Variants in KAT6B observed in about 807,000 individuals in gnomAD.
KAT6B encodes lysine acetyltransferase 6B.
Under a neutral mutation model 187.5 loss-of-function variants are expected in KAT6B, and 10 were observed. That is an observed-to-expected ratio of 0.05 (90% CI 0.03 to 0.09). KAT6B has a LOEUF of 0.09. KAT6B is among the 10% of genes least tolerant of loss of function. The pLI is 1.00. For synonymous variants in KAT6B, 861 were observed against 926.8 expected, an observed-to-expected ratio of 0.93 and a Z score of 1.29; for missense variants, 1,952 against 2,558.9, an observed-to-expected ratio of 0.76 and a Z score of 5.12.
chr10:74,835,763 GTAT>G (rs375868472), intron 1 of KAT6B, among the ~76,000 whole-genome samples: 5 of 151,572 alleles, frequency 3.3e-5, no homozygotes, highest in African/African-American at 9.7e-5. Context: ...GAAATGGTTG[GTAT>G]TATTATTATT....
At chr10:74,958,811 G>A (rs536323584) in intron 3 of KAT6B, among the ~76,000 whole-genome samples, 8 of 151,820 alleles carry the variant, frequency 5.3e-5, no homozygotes, top group African/African-American at 1.4e-4. Flanking sequence ...AGGCTGAGGC[G>A]GGCGGATCAT....
rs571236997 is a variant in KAT6B, at chr10:74,927,365, C to A, written c.622-32605C>A. On this transcript the variant is annotated intron_variant, in intron 3 of 17. Coordinates refer to ENST00000287239, the MANE Select transcript of KAT6B (RefSeq NM_012330.4). ...GGTATAAAGAACCTCTCGGGAGAGC[C>A]TGAATGATCAGGAGATCTGAACTGG... Among the ~76,000 whole-genome samples the A allele has an allele frequency of 1.3e-4, 19 of 151,894 alleles. No individual in the cohort carries two copies. In the South Asian group the frequency reaches 2.5e-3, roughly 20 times the overall value.
At chr10:75,021,098 C>A (rs1484889088) in intron 14 of KAT6B, 28 bp from the exon 15 acceptor site, 12 of 1,608,036 alleles carry the variant, frequency 7.5e-6, no homozygotes, top group Non-Finnish European at 9.4e-6. Context: ...CTTGTGATTA[C>A]ATCTTGTTCT....
chr10:74,834,202 GTT>G (rs779791101), intron 1 of KAT6B, among the ~76,000 whole-genome samples: 4 of 140,962 alleles, frequency 2.8e-5, no homozygotes, highest in Non-Finnish European at 3.1e-5. Flanking sequence ...CTTTATTTCT[GTT>G]TTTTTTTTTT....
chr10:74,919,083 C>T (rs1296587674), intron 3 of KAT6B, among the ~76,000 whole-genome samples: 1 of 150,746 alleles, frequency 6.6e-6, no homozygotes, highest in Non-Finnish European at 1.5e-5. Flanking sequence ...ATGGGCCAGG[C>T]GTGGTGGCAG....
chr10:74,998,240 C>T (rs892925619), intron 13 of KAT6B, among the ~76,000 whole-genome samples: 7 of 152,088 alleles, frequency 4.6e-5, no homozygotes, highest in Admixed American at 6.5e-5. Flanking sequence ...TGTGAGCCAC[C>T]GTGCCCAGCC....
chr10:75,030,594 T>C lies in KAT6B; in HGVS notation c.5770T>C (p.Ser1924Pro). 2 of 1,611,506 alleles carry C rather than the reference T, an allele frequency of 1.2e-6. No individual in the cohort carries two copies. The highest frequency in any genetic ancestry group is 1.7e-6 in the Non-Finnish European group (2 of 1,177,836). ...CCAGATTGCCAGCAAGGGCCACATC[T>C]CCATGAGAACCAAGTCAGCGTCTCT... ...QTQIASKGHISMRTKSASLSP... is the reference protein window; with the variant it reads ...QTQIASKGHIPMRTKSASLSP... Residue 1924 changes from serine (S) to proline (P), a missense_variant, in exon 18 of 18, where the codon TCC becomes CCC. Ser to Pro is a moderately conservative substitution (Grantham distance 74, BLOSUM62 -1). Coordinates refer to ENST00000287239, the MANE Select transcript of KAT6B (RefSeq NM_012330.4). The surrounding 1 kb of genome is among the most constrained non-coding windows in gnomAD (Gnocchi z 4.8).
chr10:74,976,092 CCA>C lies in KAT6B; in HGVS notation c.1757_1758del (p.His586LeufsTer8). ...ELSSTAKSKA[H>X]FFGKRDIRSR... ...TATCTTCCACGGCAAAATCTAAAGC[CCA>C]CTTCTTTGGCAAAAGAGATATTAGA... On this transcript the variant is annotated frameshift_variant, in exon 8 of 18. Coordinates refer to ENST00000287239, the MANE Select transcript of KAT6B (RefSeq NM_012330.4). LOFTEE classifies it high-confidence loss of function. The C allele has an allele frequency of 6.2e-7, 1 of 1,614,188 alleles. No homozygotes were observed. Among genetic ancestry groups the C allele is most frequent in the Non-Finnish European group, 8.5e-7 (1 of 1,180,042 alleles).
At chr10:74,922,957 C>G (rs1438085228) in intron 3 of KAT6B, among the ~76,000 whole-genome samples, 1 of 152,098 alleles carries the variant, frequency 6.6e-6, no homozygotes, top group Non-Finnish European at 1.5e-5. Flanking sequence ...CTGGGAATGC[C>G]TGAGGATTGA....
At chr10:75,028,233 A>C (rs1564630159) in intron 17 of KAT6B, among the ~76,000 whole-genome samples, 1 of 152,188 alleles carries the variant, frequency 6.6e-6, no homozygotes, top group African/African-American at 2.4e-5. Context: ...TTGTTCATTA[A>C]ATTCAAATAA....
At chr10:74,956,026 C>G (rs1840667919) in intron 3 of KAT6B, among the ~76,000 whole-genome samples, 2 of 152,134 alleles carry the variant, frequency 1.3e-5, no homozygotes, top group Non-Finnish European at 2.9e-5. Flanking sequence ...TCAGCTCAAG[C>G]CGTCCTCCCA....
At chr10:74,927,799 C>T (rs1486661811) in intron 3 of KAT6B, among the ~76,000 whole-genome samples, 2 of 152,110 alleles carry the variant, frequency 1.3e-5, no homozygotes, top group Admixed American at 6.5e-5. Flanking sequence ...AACCCTATCT[C>T]CTCCAGCCTA....
chr10:75,002,020 A>G (rs941457520), intron 13 of KAT6B, among the ~76,000 whole-genome samples: 1 of 152,126 alleles, frequency 6.6e-6, no homozygotes, highest in Non-Finnish European at 1.5e-5. Context: ...CCGTCTCTGC[A>G]CCGTGTGGTC....
chr10:74,830,467 G>A (rs948073289), intron 1 of KAT6B, among the ~76,000 whole-genome samples: 7 of 151,780 alleles, frequency 4.6e-5, no homozygotes, highest in African/African-American at 1.7e-4. Context: ...TTTTCCCAGC[G>A]TAACTGTAAC....
intron 3 of KAT6B, among the ~76,000 whole-genome samples, chr10:74,947,865 C>G (rs1015873284): frequency 2.6e-5 from 4 of 152,180 alleles, no homozygotes; most frequent in Non-Finnish European, 5.9e-5. Context: ...TTGTGCAGTT[C>G]CAACACACCT....
chr10:74,918,175 T>A (rs892261534), intron 3 of KAT6B, among the ~76,000 whole-genome samples: 50 of 152,236 alleles, frequency 3.3e-4, no homozygotes, highest in Admixed American at 3.2e-3. Flanking sequence ...AGCATTTAAA[T>A]TCTGTTAATA....
At chr10:74,892,036 T>C (rs1046838256) in intron 3 of KAT6B, among the ~76,000 whole-genome samples, 5 of 152,222 alleles carry the variant, frequency 3.3e-5, no homozygotes, top group African/African-American at 1.2e-4. Flanking sequence ...GCCTGTTGAC[T>C]GCTTCCACCT....
intron 3 of KAT6B, among the ~76,000 whole-genome samples, chr10:74,953,984 C>T (rs1840496378): frequency 6.6e-6 from 1 of 152,148 alleles, no homozygotes; most frequent in African/African-American, 2.4e-5. Flanking sequence ...CTTGAAGACT[C>T]TTAAAATTTC....
In KAT6B at chr10:74,843,218, C is replaced by T. The variant is rs199812020; in HGVS notation, c.361C>T (p.Pro121Ser). 1.9e-5 allele frequency: 30 copies of T among 1,614,052 alleles called. No individual in the cohort carries two copies. The South Asian group carries it at 2.7e-4, about 15-fold the overall frequency. Residue 121 changes from proline (P) to serine (S), a missense_variant, in exon 3 of 18, where the codon CCG becomes TCG. Pro to Ser is a moderately conservative substitution (Grantham distance 74). This residue lies in a region of KAT6B where 218 missense variants were observed against 282.6 expected (regional missense o/e 0.77). Coordinates refer to ENST00000287239, the MANE Select transcript of KAT6B (RefSeq NM_012330.4). ...LRRAIEGLEE[P>S]NGSSLKNIEK... ...GAGAGCAATTGAAGGACTTGAGGAG[C>T]CGAATGGCTCCTCCCTGAAGAACAT...
Sources: gnomAD v4.1 joint callset for allele counts (sites outside exome capture counted in the v4.1 genomes callset) on GRCh38, gnomAD v4.1.1 for gene constraint, gnomAD v4.1.1 regional missense constraint, Gnocchi (gnomAD v3.1) non-coding constraint, MANE v1.5 for transcripts, NCBI Gene and HGNC (gene_info 2026-07-23, HGNC 2026-07-21) for gene names.